The following CPVL variants were observed in gnomAD, a reference collection of about 807,000 sequenced individuals.
The protein encoded by CPVL is probable serine carboxypeptidase CPVL.
A neutral mutation model predicts 63.7 loss-of-function variants in CPVL; 51 were observed. The ratio of observed to expected loss-of-function variants is 0.80; its 90% confidence interval spans 0.64 to 1.01. The LOEUF is 1.01. Among genes scored for constraint, CPVL ranks in the 50% least tolerant of loss-of-function variants. The probability of loss-of-function intolerance (pLI) is 0.00; values close to 1 mark genes in which losing one functional copy is unlikely to be tolerated. For missense variants in CPVL, 530 were observed against 573.1 expected, an observed-to-expected ratio of 0.92 and a Z score of 0.77; for synonymous variants, 195 against 206.0, an observed-to-expected ratio of 0.95 and a Z score of 0.46.
intron 3 of CPVL, among the ~76,000 whole-genome samples, chr7:29,097,595 C>G (rs1385055832): frequency 6.6e-6 from 1 of 152,140 alleles, no homozygotes; most frequent in Non-Finnish European, 1.5e-5. Context: ...ACTTGGGAGG[C>G]TGAGGCAGAA....
chr7:29,160,128 G>T lies in CPVL; in HGVS notation c.-11+21162C>A, dbSNP rs73688309. 5.8e-3 allele frequency among the ~76,000 whole-genome samples: 875 copies of T among 152,166 alleles called. 10 individuals carry two copies. Among genetic ancestry groups the T allele is most frequent in the African/African-American group, 0.019 (792 of 41,524 alleles). ...AAGCTCACTTTCCTAAGATCAACAT[G>T]GTTTCCTGGCCCTCATAATATTTCT... is the stretch of plus-strand genomic sequence containing the variant. On this transcript the variant is annotated intron_variant, in intron 5 of 16. Transcript: ENST00000409850.
intron 3 of CPVL, among the ~76,000 whole-genome samples, chr7:29,102,921 A>C (rs1480342296): frequency 6.6e-6 from 1 of 152,132 alleles, no homozygotes; most frequent in African/African-American, 2.4e-5. Context: ...AATCTACTCC[A>C]TGTCTTAATG....
chr7:29,108,672 G>A (rs1787960901), intron 3 of CPVL, among the ~76,000 whole-genome samples: 1 of 152,138 alleles, frequency 6.6e-6, no homozygotes, highest in Admixed American at 6.5e-5. Flanking sequence ...CTATGTTTTA[G>A]GTGCCACTCT....
chr7:29,126,435 C>T (rs186825242), intron 1 of CPVL: 1 of 152,156 alleles, frequency 6.6e-6, no homozygotes, highest in Non-Finnish European at 1.5e-5. Context: ...TTCCAATCGA[C>T]CTGACCATCA....
chr7:29,018,827 CA>C (rs1242311439), intron 12 of CPVL, among the ~76,000 whole-genome samples: 1 of 152,072 alleles, frequency 6.6e-6, no homozygotes, highest in Non-Finnish European at 1.5e-5. Flanking sequence ...AGAAAGATCC[CA>C]AAAGGGTGGC....
At chr7:29,025,656 T>C (rs1017016082) in intron 12 of CPVL, among the ~76,000 whole-genome samples, 6 of 152,218 alleles carry the variant, frequency 3.9e-5, no homozygotes, top group Admixed American at 6.5e-5. Context: ...TAAACAATTA[T>C]ATTCCATGTA....
At chr7:29,169,375 C>A (rs1268533505) in intron 5 of CPVL, among the ~76,000 whole-genome samples, 1 of 152,022 alleles carries the variant, frequency 6.6e-6, no homozygotes, top group East Asian at 1.9e-4. Context: ...TTAACAATTC[C>A]ATTTTCATAC....
At chr7:29,110,650 T>C (rs1366567778) in intron 3 of CPVL, among the ~76,000 whole-genome samples, 1 of 152,230 alleles carries the variant, frequency 6.6e-6, no homozygotes, top group Non-Finnish European at 1.5e-5. Context: ...CAAGTATCCA[T>C]TTTGTACAGA....
At chr7:29,169,457 T>G (rs1485294681) in intron 5 of CPVL, among the ~76,000 whole-genome samples, 3 of 152,356 alleles carry the variant, frequency 2.0e-5, no homozygotes, top group Non-Finnish European at 4.4e-5. Context: ...TGTTTTTATA[T>G]AAATGTTTAT....
At chr7:29,184,016 G>C (rs571248845) in intron 4 of CPVL, among the ~76,000 whole-genome samples, 1 of 152,008 alleles carries the variant, frequency 6.6e-6, no homozygotes, top group Non-Finnish European at 1.5e-5. Context: ...GCTATGCATA[G>C]GTTATCTGCA....
intron 7 of CPVL, among the ~76,000 whole-genome samples, chr7:29,075,076 T>C (rs1314518211): frequency 6.6e-6 from 1 of 152,140 alleles, no homozygotes; most frequent in African/African-American, 2.4e-5. Context: ...CCAGTGATAT[T>C]ATCACTCCAA....
chr7:29,053,938 G>A (rs1342541660), intron 11 of CPVL, among the ~76,000 whole-genome samples: 6 of 151,316 alleles, frequency 4.0e-5, no homozygotes, highest in African/African-American at 1.5e-4. Flanking sequence ...GCCAACATTA[G>A]CCAGCACATG....
intron 2 of CPVL, among the ~76,000 whole-genome samples, chr7:29,185,749 G>A (rs1029291844): frequency 3.3e-5 from 5 of 152,036 alleles, no homozygotes; most frequent in African/African-American, 1.2e-4. Context: ...GCAAACCATC[G>A]CCCTAGGACC....
chr7:29,069,440 C>CAAAAAA (rs34421309), intron 9 of CPVL, among the ~76,000 whole-genome samples: 1 of 81,176 alleles, frequency 1.2e-5, no homozygotes, highest in African/African-American at 4.4e-5. Context: ...GACTCCGTCT[C>CAAAAAA]AAAAAAAAAA....
At chr7:29,044,380 G>T (rs1376513598) in intron 11 of CPVL, among the ~76,000 whole-genome samples, 1 of 152,094 alleles carries the variant, frequency 6.6e-6, no homozygotes, top group Admixed American at 6.5e-5. Context: ...TTATGCCACT[G>T]CACTCCAACC....
chr7:29,081,233 T>C (rs1482420877), intron 7 of CPVL: 1 of 152,270 alleles, frequency 6.6e-6, no homozygotes, highest in Non-Finnish European at 1.5e-5. Flanking sequence ...ATAACACTTA[T>C]AAAGAAAGTT....
In CPVL at chr7:29,058,469, T is replaced by C. The variant is rs144854413; in HGVS notation, c.1137+5592A>G. On this transcript the variant is annotated intron_variant, in intron 11 of 12. Transcript: ENST00000265394. ...TACATAAATAATTATGTCATCTTCA[T>C]TTAATCATTATCCAATGCTCTTCTT... 3.4e-3 allele frequency among the ~76,000 whole-genome samples: 525 copies of C among 152,244 alleles called. 4 individuals carry two copies. The highest frequency in any genetic ancestry group is 0.012 in the African/African-American group (501 of 41,576).
chr7:29,051,947 A>AATAT (rs70977100), intron 11 of CPVL, among the ~76,000 whole-genome samples: 32 of 125,592 alleles, frequency 2.5e-4, no homozygotes, highest in South Asian at 5.2e-4. Context: ...TATATATATG[A>AATAT]ATATATATAT....
chr7:29,044,280 G>A (rs1458862454), intron 11 of CPVL, among the ~76,000 whole-genome samples: 1 of 152,106 alleles, frequency 6.6e-6, no homozygotes, highest in Non-Finnish European at 1.5e-5. Context: ...AACCAGGTAT[G>A]GTGGCAGGCA....
Sources: gnomAD v4.1 joint callset for allele counts (sites outside exome capture counted in the v4.1 genomes callset) on GRCh38, gnomAD v4.1.1 for gene constraint, MANE v1.5 for transcripts, NCBI Gene and HGNC (gene_info 2026-07-23, HGNC 2026-07-21) for gene names.